The following CHMP1A variants were observed in gnomAD, a reference collection of about 807,000 sequenced individuals.
The protein encoded by CHMP1A is VPS46 homolog A.
Under a neutral mutation model 27.0 loss-of-function variants are expected in CHMP1A, and 17 were observed. The ratio of observed to expected loss-of-function variants is 0.63; its 90% CI spans 0.43 to 0.95. The LOEUF (loss-of-function observed/expected upper bound fraction) is 0.95, where lower values mean the gene tolerates loss of function less well. Ranked by LOEUF, CHMP1A falls within the 40% of genes least tolerant of loss-of-function variation. CHMP1A has a pLI of 0.00. For missense variants in CHMP1A, 275 were observed against 264.0 expected (o/e 1.04, Z -0.29); for synonymous variants, 131 against 107.5 (o/e 1.22, Z -1.35).
intron 2 of CHMP1A, among the ~76,000 whole-genome samples, chr16:89,653,433 A>T (rs1345875688): frequency 6.7e-6 from 1 of 150,348 alleles, no homozygotes; most frequent in Non-Finnish European, 1.5e-5. Flanking sequence ...ATCCTGGCCA[A>T]CGTGGTGAAA....
At chr16:89,657,039 G>C (rs2059882467) in intron 1 of CHMP1A, among the ~76,000 whole-genome samples, 3 of 151,338 alleles carry the variant, frequency 2.0e-5, no homozygotes, top group Admixed American at 1.3e-4. Flanking sequence ...CCCGGGGAAG[G>C]GGTCCCGAAT....
At chr16:89,657,132 C>T (rs1355044589) in intron 1 of CHMP1A, among the ~76,000 whole-genome samples, 1 of 14,946 alleles carries the variant, frequency 6.7e-5, no homozygotes. Flanking sequence ...GGTTGGGGGT[C>T]GGGGGCCTGG....
intron 4 of CHMP1A, chr16:89,649,059 C>A: frequency 2.7e-6 from 1 of 372,778 alleles, no homozygotes. Flanking sequence ...AAGCCCAAGT[C>A]TTATCAAGAG....
chr16:89,649,618 C>A, intron 3 of CHMP1A, 121 bp from the exon 4 acceptor site: 1 of 1,225,782 alleles, frequency 8.2e-7, no homozygotes, highest in Non-Finnish European at 1.1e-6. Context: ...CTCTGTTGCC[C>A]AGGCTGGAGT....
At chr16:89,649,235 A>C (rs1597787541) in intron 4 of CHMP1A, 116 bp downstream of exon 4, 37 of 996,798 alleles carry the variant, frequency 3.7e-5, no homozygotes, top group African/African-American at 4.8e-5. Context: ...CAACCTCCCC[A>C]CCCCGCGCTG....
intron 1 of CHMP1A, 110 bp from the exon 2 acceptor site, chr16:89,654,033 C>A: frequency 1.7e-6 from 2 of 1,154,240 alleles, no homozygotes; most frequent in South Asian, 1.2e-5. Context: ...AGAACACACA[C>A]ACAGACCACA....
In CHMP1A at chr16:89,651,578, T is replaced by G; in HGVS notation, c.96A>C (p.Lys32Asn). Residue 32 changes from lysine to asparagine, a missense_variant, in exon 3 of 7, where the codon AAA becomes AAC. Lys to Asn is a moderately conservative substitution (Grantham distance 94, BLOSUM62 0). Transcript: ENST00000397901. Reference protein sequence around the residue: ...AEKDSKAEQAKVKKALLQKNV... With the variant: ...AEKDSKAEQANVKKALLQKNV... ...GCCCCCAGGGTCTCACCTTCTTCAC[T>G]TTGGCCTGCTCCGCCTTGGAGTCCT... 1 of 1,613,690 alleles carries G rather than the reference T, an allele frequency of 6.2e-7. No individual in the cohort carries two copies. Among genetic ancestry groups the G allele is most frequent in the Non-Finnish European group, 8.5e-7 (1 of 1,179,766 alleles).
intron 2 of CHMP1A, 41 bp from the exon 3 acceptor site, chr16:89,651,687 C>G (rs1452462574): frequency 6.2e-7 from 1 of 1,600,168 alleles, no homozygotes. Context: ...ACATGCGGAG[C>G]CCATCCCCCA....
chr16:89,651,534 G>C, intron 3 of CHMP1A, 35 bp downstream of exon 3: 1 of 1,600,416 alleles, frequency 6.2e-7, no homozygotes, highest in African/African-American at 1.3e-5. Flanking sequence ...AGACAAACCA[G>C]GAGAGTCATG....
chr16:89,648,573 T>C (rs4968051), intron 4 of CHMP1A, among the ~76,000 whole-genome samples: 13,585 of 152,144 alleles, frequency 0.089, 652 homozygotes, highest in Admixed American at 0.13. Context: ...CTCTGCCTCT[T>C]GTGGGAGTTG....
intron 5 of CHMP1A, 193 bp from the exon 6 acceptor site, chr16:89,646,907 CTG>C: frequency 2.4e-6 from 2 of 822,920 alleles, no homozygotes; most frequent in Non-Finnish European, 3.8e-6. Context: ...GCCCCACCCT[CTG>C]ACTGTGCCAT....
chr16:89,655,906 G>A (rs191953609), intron 1 of CHMP1A, among the ~76,000 whole-genome samples: 5 of 152,254 alleles, frequency 3.3e-5, no homozygotes, highest in East Asian at 1.9e-4. Context: ...GGTTACAGGC[G>A]TGAGCCACCA....
chr16:89,649,872 G>A (rs1425798240), intron 3 of CHMP1A, among the ~76,000 whole-genome samples: 3 of 152,076 alleles, frequency 2.0e-5, no homozygotes, highest in Non-Finnish European at 4.4e-5. Context: ...CACCGCGCCC[G>A]GCCCTAGGAG....
intron 2 of CHMP1A, among the ~76,000 whole-genome samples, chr16:89,653,014 T>TC (rs2059837174): frequency 7.6e-6 from 1 of 131,054 alleles, no homozygotes; most frequent in Non-Finnish European, 1.5e-5. Context: ...TTTTTTTTTT[T>TC]CTTTTCTTTT....
At chr16:89,653,786 G>A (rs2059843181) in intron 2 of CHMP1A, 118 bp downstream of exon 2, 1 of 1,032,722 alleles carries the variant, frequency 9.7e-7, no homozygotes, top group Non-Finnish European at 1.5e-6. Context: ...GCCCTGTGTG[G>A]CGGTCACTCA....
Position 89,647,242 on chromosome 16 carries a change from C to A in CHMP1A, c.342G>T (p.Arg114Ser). Reference protein sequence around the residue: ...DLQKVSSVMDRFEQQVQNLDV... With the variant: ...DLQKVSSVMDSFEQQVQNLDV... ...CCAGGTTCTGCACCTGCTGCTCGAA[C>A]CTGTCCATCACTGAGGAGACCTTCT... Residue 114 changes from arginine to serine, a missense_variant, in exon 5 of 7, where the codon AGG becomes AGT. Transcript: ENST00000397901. 6.2e-7 allele frequency: 1 copy of A among 1,610,026 alleles called. No homozygotes were observed. The highest frequency in any genetic ancestry group is 8.5e-7 in the Non-Finnish European group (1 of 1,178,538).
intron 1 of CHMP1A, among the ~76,000 whole-genome samples, chr16:89,656,009 C>T (rs1049858665): frequency 2.0e-5 from 3 of 152,108 alleles, no homozygotes; most frequent in Non-Finnish European, 2.9e-5. Flanking sequence ...CCACCACACC[C>T]GGCCTGGCCA....
rs940827466 is a variant in CHMP1A at position 89,656,714 on chromosome 16, T to A, written c.7+868A>T. 2.6e-5 allele frequency among the ~76,000 whole-genome samples: 4 copies of A among 152,174 alleles called. No individual in the cohort carries two copies. In the East Asian group the frequency reaches 7.7e-4, roughly 29 times the overall value. On this transcript the variant is annotated intron_variant, in intron 1 of 6. Transcript: ENST00000397901. ...ACTCAGGGAGCGCTTTCTGTCTGAGTCCTTCTGATTTGCAGTGATGCTGTT... is the reference window on the plus strand; with the variant it reads ...ACTCAGGGAGCGCTTTCTGTCTGAGACCTTCTGATTTGCAGTGATGCTGTT...
intron 1 of CHMP1A, among the ~76,000 whole-genome samples, chr16:89,657,074 G>A (rs936582301): frequency 5.3e-5 from 8 of 150,322 alleles, no homozygotes; most frequent in Non-Finnish European, 8.9e-5. Context: ...CGAGGCCTGG[G>A]GGGAGGGGTC....
Sources: allele counts gnomAD v4.1 joint callset (sites outside exome capture counted in the v4.1 genomes callset), GRCh38; gene constraint gnomAD v4.1.1; transcripts MANE v1.5; gene names NCBI Gene and HGNC (gene_info 2026-07-23, HGNC 2026-07-21).